TECPR1: variants seen among roughly 807,000 people sequenced by gnomAD.
TECPR1 encodes the protein tectonin beta-propeller repeat-containing protein 1.
A neutral mutation model predicts 162.4 loss-of-function variants in TECPR1; 122 were observed. That is an observed-to-expected ratio of 0.75 (90% CI 0.65 to 0.87). The LOEUF is 0.87. Among genes scored for constraint, TECPR1 ranks in the 40% least tolerant of loss-of-function variants. The pLI is 0.00. For synonymous variants in TECPR1, 642 were observed against 670.6 expected (o/e 0.96, Z 0.66); for missense variants, 1,432 against 1,618.2 (o/e 0.88, Z 1.97).
At chr7:98,229,466 G>C (rs1473302518) in intron 15 of TECPR1, among the ~76,000 whole-genome samples, 1 of 152,216 alleles carries the variant, frequency 6.6e-6, no homozygotes, top group Non-Finnish European at 1.5e-5. Context: ...AGGGAGATGA[G>C]GCCAGCGGCG....
At chr7:98,221,192 C>G (rs1798130984) in intron 23 of TECPR1, among the ~76,000 whole-genome samples, 1 of 152,018 alleles carries the variant, frequency 6.6e-6, no homozygotes, top group Non-Finnish European at 1.5e-5. Flanking sequence ...ATCCCAGCTA[C>G]TTGGGAGGCT....
At chr7:98,219,247 A>C (rs187412631) in intron 23 of TECPR1, among the ~76,000 whole-genome samples, 81 of 152,360 alleles carry the variant, frequency 5.3e-4, no homozygotes, top group African/African-American at 1.7e-3. Context: ...CTCAAGATGA[A>C]TCAAACACTT....
chr7:98,220,047 C>CA (rs34649939), intron 23 of TECPR1, among the ~76,000 whole-genome samples: 3 of 150,960 alleles, frequency 2.0e-5, no homozygotes, highest in Admixed American at 6.6e-5. Context: ...ATTATAAAGT[C>CA]AAAAAACAAC....
At chr7:98,221,781 G>C (rs779987875) in intron 22 of TECPR1, 28 bp from the exon 23 acceptor site, 2 of 1,594,122 alleles carry the variant, frequency 1.3e-6, no homozygotes, top group South Asian at 1.1e-5. Context: ...ACTCAGGCAC[G>C]CTGCCTTCTC....
intron 10 of TECPR1, among the ~76,000 whole-genome samples, chr7:98,234,217 A>G (rs1201274237): frequency 6.6e-6 from 1 of 152,196 alleles, no homozygotes; most frequent in Non-Finnish European, 1.5e-5. Context: ...CAGGGGCACA[A>G]TCTCAGCTCA....
chr7:98,236,124 C>T (rs1401764493), intron 10 of TECPR1, among the ~76,000 whole-genome samples: 7 of 152,206 alleles, frequency 4.6e-5, no homozygotes, highest in African/African-American at 1.7e-4. Flanking sequence ...TCCACTGAGT[C>T]GCCTGCCTGT....
At position 98,233,584 on chromosome 7, in the gene TECPR1, G is replaced by A. The variant is rs555774063; in HGVS notation, c.1509C>T (p.Ala503=). 2.5e-5 allele frequency: 40 copies of A among 1,593,390 alleles called. No individual in the cohort carries two copies. In the East Asian group the frequency reaches 5.4e-4, roughly 21 times the overall value. Residue 503 remains alanine (A), a synonymous_variant, in exon 11 of 26, where the codon GCC becomes GCT. Transcript: ENST00000447648. ...GGCTGGTGGTCTCGGGGAAGCCAGC[G>A]GCCGAGTGGCTGGGCACTTTCTTGG... ...KEAKKVPSHS[A]AGFPETTSLS...
chr7:98,233,175 C>A, intron 11 of TECPR1: 1 of 786,758 alleles, frequency 1.3e-6, no homozygotes, highest in Non-Finnish European at 1.9e-6. Context: ...ACCGCTAGCA[C>A]AGGGGAGGGG....
chr7:98,242,989 TCCAC>T (rs1406135772), intron 6 of TECPR1, among the ~76,000 whole-genome samples: 2 of 28,514 alleles, frequency 7.0e-5, no homozygotes, highest in Admixed American at 5.6e-4. Flanking sequence ...CATCCATCCA[TCCAC>T]CCACCCATCC....
chr7:98,224,726 A>T, intron 19 of TECPR1, 75 bp downstream of exon 19: 1 of 1,369,794 alleles, frequency 7.3e-7, no homozygotes, highest in Non-Finnish European at 1.0e-6. Context: ...AAGAGCAGTG[A>T]GGCCAGAGGC....
Position 98,224,076 on chromosome 7 carries a change from G to A in TECPR1, c.2691-358C>T, listed in dbSNP as rs564655020. Among the ~76,000 whole-genome samples the A allele has an allele frequency of 2.5e-3, 376 of 152,258 alleles. 1 individual carries two copies. Among genetic ancestry groups the A allele is most frequent in the Non-Finnish European group, 4.3e-3 (292 of 68,002 alleles). On this transcript the variant is annotated intron_variant, in intron 19 of 25. Transcript: ENST00000447648. Reference sequence around the variant, plus strand: ...AGGGGACTCAGCCCTCCCCTCCCCAGGCCCCATCAGAGCCCTTTTGGGGAG... The same window carrying A: ...AGGGGACTCAGCCCTCCCCTCCCCAAGCCCCATCAGAGCCCTTTTGGGGAG...
intron 8 of TECPR1, 46 bp downstream of exon 8, chr7:98,240,804 TC>T: frequency 1.3e-6 from 2 of 1,496,248 alleles, no homozygotes; most frequent in Non-Finnish European, 9.1e-7. Flanking sequence ...CACTGCAGTC[TC>T]CAACTCCTGG....
At chr7:98,244,813 G>A in intron 4 of TECPR1, 72 bp downstream of exon 4, 1 of 1,596,576 alleles carries the variant, frequency 6.3e-7, no homozygotes. Flanking sequence ...GGGTGCAGGG[G>A]ACAGAAGCAG....
chr7:98,225,275 C>T (rs2116548482), intron 17 of TECPR1, among the ~76,000 whole-genome samples, 173 bp from the exon 18 acceptor site: 1 of 152,362 alleles, frequency 6.6e-6, no homozygotes, highest in South Asian at 2.1e-4. Context: ...TGGCTGACGC[C>T]TGTAATCCCA....
chr7:98,249,255 G>A (rs1584363487), intron 2 of TECPR1, among the ~76,000 whole-genome samples: 1 of 152,234 alleles, frequency 6.6e-6, no homozygotes, highest in East Asian at 1.9e-4. Flanking sequence ...TGAGGAACAG[G>A]AAGACAGGAA....
At chr7:98,243,625 A>C in intron 5 of TECPR1, 33 bp from the exon 6 acceptor site, 29 of 1,600,962 alleles carry the variant, frequency 1.8e-5, no homozygotes, top group Non-Finnish European at 2.5e-5. Context: ...GGTAGCAGTC[A>C]GCGCCCAGTG....
chr7:98,230,050 G>T (rs1798383595), intron 15 of TECPR1, among the ~76,000 whole-genome samples: 3 of 150,580 alleles, frequency 2.0e-5, no homozygotes, highest in African/African-American at 7.3e-5. Flanking sequence ...GAGTGCCGTG[G>T]TGTGAGTGTG....
rs1421994550 is a variant in TECPR1, at chr7:98,215,165, AT to A, written c.*2224del. Reference sequence around the variant, plus strand: ...CCGTTCCTGGGCTACGCCACGCGCCATCCCCCGGGGCTGTGGACGCACCCAG... The same window carrying A: ...CCGTTCCTGGGCTACGCCACGCGCCACCCCCGGGGCTGTGGACGCACCCAG... On this transcript the variant is annotated 3_prime_UTR_variant, in exon 26 of 26. Transcript: ENST00000447648. The A allele has an allele frequency of 6.6e-6, 1 of 152,100 alleles. No homozygotes were observed. Among genetic ancestry groups the A allele is most frequent in the Non-Finnish European group, 1.5e-5 (1 of 68,038 alleles). The allele number at this position is 152,100 out of a possible 1,614,324, so 9.4% of individuals were successfully genotyped here. A position where few individuals can be genotyped will look rare whatever the true frequency, so the allele number is the denominator to read the frequency against.
chr7:98,245,077 G>A lies in TECPR1; in HGVS notation c.226-10C>T, dbSNP rs771713807. ...CCATGGGATTCCAGCGCTGAGGGCC[G>A]GGGACACAGAGGCGGCCTTGGACCC... On this transcript the variant is annotated splice_polypyrimidine_tract_variant and intron_variant, in intron 3 of 25. Coordinates refer to ENST00000447648, the MANE Select transcript of TECPR1 (RefSeq NM_015395.3). 7 of 1,569,930 alleles carry A rather than the reference G, an allele frequency of 4.5e-6. No homozygotes were observed. Among genetic ancestry groups the A allele is most frequent in the African/African-American group, 4.1e-5 (3 of 73,640 alleles).
Sources: gnomAD v4.1 joint callset for allele counts (sites outside exome capture counted in the v4.1 genomes callset) on GRCh38, gnomAD v4.1.1 for gene constraint, MANE v1.5 for transcripts, NCBI Gene and HGNC (gene_info 2026-07-23, HGNC 2026-07-21) for gene names.